CD8B: variants seen among roughly 807,000 people sequenced by gnomAD.
CD8B encodes the protein CD8 subunit beta.
A neutral mutation model predicts 24.2 loss-of-function variants in CD8B; 6 were observed. The ratio of observed to expected loss-of-function variants is 0.25; its 90% confidence interval spans 0.14 to 0.49. The LOEUF (loss-of-function observed/expected upper bound fraction) is 0.49. CD8B is among the 20% of genes least tolerant of loss of function. CD8B has a pLI of 0.98. For synonymous variants in CD8B, 84 were observed against 108.3 expected, an observed-to-expected ratio of 0.78 and a Z score of 1.39; for missense variants, 196 against 271.3, an observed-to-expected ratio of 0.72 and a Z score of 1.95.
intron 5 of CD8B, among the ~76,000 whole-genome samples, chr2:86,817,559 A>G (rs142561850): frequency 8.5e-4 from 129 of 152,324 alleles, no homozygotes; most frequent in African/African-American, 3.0e-3. Context: ...TATAAAAAAT[A>G]AAAGCACATG....
At chr2:86,852,589 T>C (rs1676029516) in intron 3 of CD8B, among the ~76,000 whole-genome samples, 3 of 151,910 alleles carry the variant, frequency 2.0e-5, no homozygotes, top group Non-Finnish European at 4.4e-5. Context: ...TCATATAGTA[T>C]ATGGATTTTT....
In CD8B at chr2:86,838,618, C is replaced by T. The variant is rs2104532569; in HGVS notation, c.*3689G>A. 6.6e-6 allele frequency among the ~76,000 whole-genome samples: 1 copy of T among 152,264 alleles called. No individual in the cohort carries two copies. Among genetic ancestry groups the T allele is most frequent in the South Asian group, 2.1e-4 (1 of 4,828 alleles). Reference sequence around the variant, plus strand: ...GGGTCAGGAGATCCTCCCACCTCATCCTCCCTAATAGCTGGGACTACAGGC... The same window carrying T: ...GGGTCAGGAGATCCTCCCACCTCATTCTCCCTAATAGCTGGGACTACAGGC... On this transcript the variant is annotated 3_prime_UTR_variant, in exon 6 of 6. Coordinates refer to ENST00000390655, the MANE Select transcript of CD8B (RefSeq NM_004931.5).
chr2:86,861,126 T>A (rs1676563292), intron 1 of CD8B, among the ~76,000 whole-genome samples: 1 of 152,166 alleles, frequency 6.6e-6, no homozygotes. Context: ...CTTTGGGCTT[T>A]TTGGGCACGA....
At chr2:86,817,594 A>G (rs896078397) in intron 5 of CD8B, among the ~76,000 whole-genome samples, 1 of 152,188 alleles carries the variant, frequency 6.6e-6, no homozygotes, top group African/African-American at 2.4e-5. Context: ...TTATTATGTC[A>G]TTGTTTATAG....
At chr2:86,828,567 C>T (rs1167389867) in intron 5 of CD8B, among the ~76,000 whole-genome samples, 1 of 152,082 alleles carries the variant, frequency 6.6e-6, no homozygotes, top group African/African-American at 2.4e-5. Flanking sequence ...ACCCTGGGAG[C>T]AGCTAGAGAT....
At chr2:86,837,993 G>A (rs935801630), downstream of CD8B, among the ~76,000 whole-genome samples, 2 of 152,210 alleles carry the variant, frequency 1.3e-5, no homozygotes, top group African/African-American at 4.8e-5. Flanking sequence ...AATTGCAAAT[G>A]TAGCTCGCCC....
chr2:86,821,995 C>T (rs1176291517), intron 5 of CD8B, among the ~76,000 whole-genome samples: 3 of 152,176 alleles, frequency 2.0e-5, no homozygotes, highest in Non-Finnish European at 4.4e-5. Flanking sequence ...TGTGGCTTCT[C>T]CTTTTGCAAC....
At chr2:86,854,795 T>G in intron 2 of CD8B, among the ~76,000 whole-genome samples, 1 of 144,154 alleles carries the variant, frequency 6.9e-6, no homozygotes, top group Non-Finnish European at 1.5e-5. Flanking sequence ...AACTCTAGAG[T>G]CAGGGGGACA....
intron 2 of CD8B, among the ~76,000 whole-genome samples, chr2:86,856,421 G>A (rs960537150): frequency 9.2e-5 from 14 of 152,230 alleles, no homozygotes; most frequent in East Asian, 3.9e-4. Context: ...TTTTCAATAC[G>A]AAAATCAGTG....
At chr2:86,833,308 C>T (rs999165324), downstream of CD8B, among the ~76,000 whole-genome samples, 4 of 151,278 alleles carry the variant, frequency 2.6e-5, no homozygotes, top group Admixed American at 6.6e-5. Flanking sequence ...GATTCTCTGC[C>T]TCAGCCTCCC....
intron 5 of CD8B, among the ~76,000 whole-genome samples, chr2:86,824,464 G>A (rs930480544): frequency 3.3e-5 from 5 of 152,196 alleles, no homozygotes; most frequent in East Asian, 1.9e-4. Flanking sequence ...AAGAAGCCAC[G>A]TGCTCCAGGC....
At position 86,840,698 on chromosome 2, in the gene CD8B, C is replaced by T. The variant is rs1291743299; in HGVS notation, c.*1609G>A. 1.3e-5 allele frequency among the ~76,000 whole-genome samples: 2 copies of T among 152,138 alleles called. No homozygotes were observed. The highest frequency in any genetic ancestry group is 4.8e-5 in the African/African-American group (2 of 41,426). The stretch of plus-strand genomic sequence containing the variant: ...ATTCTTCCTTTTGCTGCTTTTATTC[C>T]TTTATTACTTTGTATGTTTTGTTCA... On this transcript the variant is annotated 3_prime_UTR_variant, in exon 6 of 6. Transcript: ENST00000390655.
chr2:86,852,375 T>C (rs1328005001), intron 3 of CD8B, among the ~76,000 whole-genome samples: 3 of 152,224 alleles, frequency 2.0e-5, no homozygotes, highest in African/African-American at 7.2e-5. Flanking sequence ...AAGTGTACAA[T>C]GTCATGGTTT....
rs537606555 is a variant in CD8B, at chr2:86,856,667, C to T, written c.403+1390G>A. Among the ~76,000 whole-genome samples, 90 of 151,868 alleles carry T rather than the reference C, an allele frequency of 5.9e-4. No homozygotes were observed. In the Middle Eastern group the frequency reaches 0.014, roughly 23 times the overall value. ...AGCCCTGGAGGGGGTTGGCTCCAGC[C>T]TTGGGCCAAGCTGGAGGTGGGGCTA... On this transcript the variant is annotated intron_variant, in intron 2 of 5. Transcript: ENST00000390655.
Position 86,858,410 on chromosome 2 carries a change from T to A in CD8B, c.50A>T (p.His17Leu). The A allele has an allele frequency of 6.3e-7, 1 of 1,585,794 alleles. No homozygotes were observed. Residue 17 changes from histidine to leucine, a missense_variant, in exon 2 of 6, where the codon CAT (histidine) becomes CTT (leucine). Coordinates refer to ENST00000390655, the MANE Select transcript of CD8B (RefSeq NM_004931.5). ...GGTCTGCTGGAGGACTGAGTTGCCA[T>A]GGAGAACTAGGAAAAGCCAAGAACA... The part of the protein sequence containing the change: ...LLLAAQLTVL[H>L]GNSVLQQTPA...
downstream of CD8B, among the ~76,000 whole-genome samples, chr2:86,836,936 G>C (rs944072339): frequency 6.6e-6 from 1 of 152,186 alleles, no homozygotes; most frequent in Non-Finnish European, 1.5e-5. Flanking sequence ...TGGATGGATT[G>C]CTTGAGCCCA....
intron 4 of CD8B, among the ~76,000 whole-genome samples, chr2:86,845,893 CGTAT>C: frequency 1.3e-5 from 2 of 152,104 alleles, no homozygotes; most frequent in Non-Finnish European, 2.9e-5. Context: ...TTATTTTCAT[CGTAT>C]GTTCAAAGGG....
downstream of CD8B, among the ~76,000 whole-genome samples, chr2:86,837,071 C>T (rs1429257309): frequency 4.6e-5 from 7 of 152,238 alleles, no homozygotes; most frequent in Non-Finnish European, 7.4e-5. Context: ...GTGCAAGGAT[C>T]GCTTGAGCCT....
rs760885904 is a variant in CD8B at position 86,858,037 on chromosome 2, G to A, written c.403+20C>T. On this transcript the variant is annotated intron_variant, in intron 2 of 5. Coordinates refer to ENST00000390655, the MANE Select transcript of CD8B (RefSeq NM_004931.5). The stretch of plus-strand genomic sequence containing the variant: ...GGCACACAATCGGTGCTCACTGATA[G>A]CATTGAGCCTGCTTCTTACCCACAC... The A allele has an allele frequency of 8.1e-6, 13 of 1,611,258 alleles. No individual in the cohort carries two copies. Among genetic ancestry groups the A allele is most frequent in the Admixed American group, 5.0e-5 (3 of 59,958 alleles).
Sources: gnomAD v4.1 joint callset for allele counts (sites outside exome capture counted in the v4.1 genomes callset) on GRCh38, gnomAD v4.1.1 for gene constraint, MANE v1.5 for transcripts, NCBI Gene and HGNC (gene_info 2026-07-23, HGNC 2026-07-21) for gene names.